The following TSPEAR variants were observed in gnomAD, a reference collection of about 807,000 sequenced individuals.
TSPEAR encodes the protein thrombospondin type laminin G domain and EAR repeats, also known as thrombospondin-type laminin G domain and EAR repeat-containing protein.
In TSPEAR, 69 loss-of-function variants were observed where a neutral mutation model predicts 71.6. The observed-to-expected ratio is 0.96, with a 90% CI of 0.79 to 1.18. The LOEUF (loss-of-function observed/expected upper bound fraction) is 1.18. TSPEAR is among the 50% of genes most tolerant of loss of function. The pLI is 0.00. For missense variants in TSPEAR, 971 were observed against 894.9 expected (o/e 1.09, Z -1.09); for synonymous variants, 402 against 387.2 (o/e 1.04, Z -0.45).
intron 1 of TSPEAR, chr21:44,702,795 C>A: frequency 1.6e-6 from 2 of 1,254,498 alleles, no homozygotes; most frequent in Admixed American, 1.8e-5. Context: ...AGAAGCCCAG[C>A]TACTGACGGG....
Position 44,578,087 on chromosome 21 carries a change from C to T in TSPEAR, c.83-10082G>A, listed in dbSNP as rs587644021. Among the ~76,000 whole-genome samples, 4 of 152,320 alleles carry T rather than the reference C, an allele frequency of 2.6e-5. No individual in the cohort carries two copies. In the East Asian group the frequency reaches 7.7e-4, roughly 29 times the overall value. On this transcript the variant is annotated intron_variant, in intron 1 of 11. Coordinates refer to ENST00000323084, the MANE Select transcript of TSPEAR (RefSeq NM_144991.3). Reference sequence around the variant, plus strand: ...CCTTCCACCATGATTGTGAGGCCTCCTCAGCCATGTGGAACTGTGAGTCCA... The same window carrying T: ...CCTTCCACCATGATTGTGAGGCCTCTTCAGCCATGTGGAACTGTGAGTCCA...
intron 1 of TSPEAR, among the ~76,000 whole-genome samples, chr21:44,635,725 G>C (rs1358427379): frequency 1.3e-5 from 2 of 152,202 alleles, no homozygotes; most frequent in Non-Finnish European, 2.9e-5. Flanking sequence ...ACTAGGTAGT[G>C]GGGATGGTTG....
At chr21:44,540,194 G>A (rs1206565396) in intron 2 of TSPEAR, 2 of 1,594,192 alleles carry the variant, frequency 1.3e-6, no homozygotes, top group African/African-American at 1.3e-5. Context: ...GTGAGTGAGT[G>A]AGTGTGGGAG....
Position 44,506,223 on chromosome 21 carries a change from C to T in TSPEAR, c.1755-1342G>A, listed in dbSNP as rs766870815. 2.6e-5 allele frequency among the ~76,000 whole-genome samples: 4 copies of T among 152,218 alleles called. No individual in the cohort carries two copies. Among genetic ancestry groups the T allele is most frequent in the African/African-American group, 4.8e-5 (2 of 41,458 alleles). On this transcript the variant is annotated intron_variant, in intron 10 of 11. Coordinates refer to ENST00000323084, the MANE Select transcript of TSPEAR (RefSeq NM_144991.3). This position sits in a 1 kb window ranked among gnomAD's most constrained non-coding sequence, Gnocchi z 4.2. Reference sequence around the variant, plus strand: ...GATGCATCTGTGCTTGGGGATGGCTCGGTTTGAGGGGTCTGAGGAGCGGCT... The same window carrying T: ...GATGCATCTGTGCTTGGGGATGGCTTGGTTTGAGGGGTCTGAGGAGCGGCT...
intron 1 of TSPEAR, chr21:44,702,143 TG>T: frequency 2.4e-6 from 3 of 1,271,832 alleles, no homozygotes; most frequent in Non-Finnish European, 3.2e-6. Flanking sequence ...AGCACAGGGG[TG>T]GAGACTGAAG....
chr21:44,627,302 C>T, intron 1 of TSPEAR: 1 of 1,612,754 alleles, frequency 6.2e-7, no homozygotes. Context: ...CCCTGCCTGA[C>T]CCTGGTCTGC....
intron 1 of TSPEAR, among the ~76,000 whole-genome samples, chr21:44,682,427 T>C (rs1427150009): frequency 6.6e-6 from 1 of 152,234 alleles, no homozygotes; most frequent in Non-Finnish European, 1.5e-5. Flanking sequence ...GCCTGATATC[T>C]GCCTCCCTTC....
chr21:44,592,295 A>G (rs782586109), intron 1 of TSPEAR: 2 of 1,549,550 alleles, frequency 1.3e-6, no homozygotes, highest in Non-Finnish European at 1.7e-6. Context: ...CAGGGGCTGG[A>G]CACACGGCTC....
At chr21:44,666,553 G>T (rs146322780) in intron 1 of TSPEAR, 1 of 1,600,002 alleles carries the variant, frequency 6.2e-7, no homozygotes, top group Admixed American at 1.7e-5. Context: ...TACACGACAG[G>T]CCTGCAGCTC....
At chr21:44,707,276 G>C (rs1372976067) in intron 1 of TSPEAR, among the ~76,000 whole-genome samples, 2 of 147,816 alleles carry the variant, frequency 1.4e-5, no homozygotes, top group East Asian at 2.0e-4. Context: ...CCACCAGGAA[G>C]ATGGGGGTGG....
chr21:44,513,065 T>C (rs777342852), intron 9 of TSPEAR, among the ~76,000 whole-genome samples: 73 of 152,360 alleles, frequency 4.8e-4, no homozygotes, highest in Non-Finnish European at 7.9e-4. Flanking sequence ...CATGTAATAC[T>C]TGAAACATAC....
chr21:44,677,300 G>C lies in TSPEAR; in HGVS notation c.82+34133C>G, dbSNP rs1464213601. ...GTTCCTTCAACGCACCTTGCACTGT[G>C]TGCCACTTAGCAGACTTCTTCTTGC... is the stretch of plus-strand genomic sequence containing the variant. On this transcript the variant is annotated intron_variant, in intron 1 of 11. Coordinates refer to ENST00000323084, the MANE Select transcript of TSPEAR (RefSeq NM_144991.3). 8 of 861,576 alleles carry C rather than the reference G, an allele frequency of 9.3e-6. No homozygotes were observed. In the African/African-American group the frequency reaches 1.2e-4, roughly 13 times the overall value. 53.4% of individuals were successfully genotyped at this position (861,576 alleles called of 1,614,324 possible). A position where few individuals can be genotyped will look rare whatever the true frequency, so the allele number is the denominator to read the frequency against.
chr21:44,612,502 C>A lies in TSPEAR; in HGVS notation c.83-44497G>T, dbSNP rs782140997. On this transcript the variant is annotated intron_variant, in intron 1 of 11. Coordinates refer to ENST00000323084, the MANE Select transcript of TSPEAR (RefSeq NM_144991.3). This position sits in a 1 kb window ranked among gnomAD's most constrained non-coding sequence, Gnocchi z 4.1. ...CCAACTGCTGCAAGCCCGTGTGCTGCGTGTCCATCTGCTCTGGAGCTTCCT... is the reference window on the plus strand; with the variant it reads ...CCAACTGCTGCAAGCCCGTGTGCTGAGTGTCCATCTGCTCTGGAGCTTCCT... The A allele has an allele frequency of 6.2e-7, 1 of 1,608,672 alleles. No homozygotes were observed. Among genetic ancestry groups the A allele is most frequent in the Non-Finnish European group, 8.5e-7 (1 of 1,176,914 alleles).
chr21:44,637,398 C>A, intron 1 of TSPEAR: 1 of 1,590,688 alleles, frequency 6.3e-7, no homozygotes, highest in Non-Finnish European at 8.6e-7. Flanking sequence ...TCCCCCAGCT[C>A]ACCGCCTCCC....
At chr21:44,600,711 C>T in intron 1 of TSPEAR, 2 of 1,613,306 alleles carry the variant, frequency 1.2e-6, no homozygotes, top group African/African-American at 1.3e-5. Flanking sequence ...CTTGCTCCGA[C>T]TCCTGGCAGG....
At chr21:44,556,403 A>C (rs2053530085) in intron 2 of TSPEAR, among the ~76,000 whole-genome samples, 1 of 151,372 alleles carries the variant, frequency 6.6e-6, no homozygotes, top group Non-Finnish European at 1.5e-5. Context: ...CAAAAAAAAA[A>C]ACCAAAAGAC....
intron 9 of TSPEAR, among the ~76,000 whole-genome samples, chr21:44,512,825 C>T (rs1312800111): frequency 6.6e-6 from 1 of 152,124 alleles, no homozygotes; most frequent in Non-Finnish European, 1.5e-5. Context: ...ATGGCAGTGG[C>T]CGGAGTGAAT....
At chr21:44,629,518 G>A (rs1983131023) in intron 1 of TSPEAR, among the ~76,000 whole-genome samples, 1 of 152,160 alleles carries the variant, frequency 6.6e-6, no homozygotes, top group South Asian at 2.1e-4. Context: ...CCTTAACTTA[G>A]GACTTCAACA....
intron 1 of TSPEAR, among the ~76,000 whole-genome samples, chr21:44,599,908 G>A (rs1176199352): frequency 6.6e-6 from 1 of 152,174 alleles, no homozygotes; most frequent in Non-Finnish European, 1.5e-5. Flanking sequence ...TTACAGGTTT[G>A]CAGTGCTTGG....
Sources: allele counts gnomAD v4.1 joint callset (sites outside exome capture counted in the v4.1 genomes callset), GRCh38; gene constraint gnomAD v4.1.1; non-coding constraint Gnocchi (gnomAD v3.1); transcripts MANE v1.5; gene names NCBI Gene and HGNC (gene_info 2026-07-23, HGNC 2026-07-21).